The following FGD4 variants were observed in gnomAD, a reference collection of about 807,000 sequenced individuals.
FGD4 encodes FYVE, RhoGEF and PH domain containing 4.
In FGD4, 42 loss-of-function variants were observed where a neutral mutation model predicts 102.0. The observed-to-expected ratio is 0.41, with a 90% confidence interval of 0.32 to 0.53. The LOEUF is 0.53. Ranked by LOEUF, FGD4 falls within the 20% of genes least tolerant of loss-of-function variation. The pLI is 0.21. For missense variants in FGD4, 902 were observed against 1,078.2 expected (o/e 0.84, Z 2.29); for synonymous variants, 380 against 375.7 (o/e 1.01, Z -0.13).
chr12:32,468,912 C>T (rs540315758), intron 1 of FGD4, among the ~76,000 whole-genome samples: 21 of 151,730 alleles, frequency 1.4e-4, no homozygotes, highest in African/African-American at 4.6e-4. Flanking sequence ...CTGCAACCTC[C>T]GCCTCCGAGT....
chr12:32,489,829 G>C (rs1944030635), intron 1 of FGD4, among the ~76,000 whole-genome samples: 1 of 151,954 alleles, frequency 6.6e-6, no homozygotes, highest in Non-Finnish European at 1.5e-5. Context: ...TCAAGACTTT[G>C]GCCTATTAAA....
At chr12:32,588,489 G>A (rs11052092) in intron 4 of FGD4, among the ~76,000 whole-genome samples, 13,837 of 152,248 alleles carry the variant, frequency 0.091, 802 homozygotes, top group Middle Eastern at 0.19. Flanking sequence ...AATCTAGGAC[G>A]GACTGAGGGA....
chr12:32,432,390 T>C (rs968839503), intron 1 of FGD4, among the ~76,000 whole-genome samples: 1 of 151,186 alleles, frequency 6.6e-6, no homozygotes, highest in East Asian at 2.0e-4. Flanking sequence ...CCGAGGCGGG[T>C]GGATCACTTG....
chr12:32,550,670 C>CAAAAAAAA (rs71447606), intron 1 of FGD4, among the ~76,000 whole-genome samples: 8 of 89,186 alleles, frequency 9.0e-5, no homozygotes, highest in African/African-American at 1.3e-4. Context: ...GACACTGTCT[C>CAAAAAAAA]AAAAAAAAAA....
At chr12:32,562,365 T>G (rs985220411) in intron 1 of FGD4, among the ~76,000 whole-genome samples, 1 of 152,240 alleles carries the variant, frequency 6.6e-6, no homozygotes, top group African/African-American at 2.4e-5. Flanking sequence ...ATGCTTAGTC[T>G]TGTAACTATG....
chr12:32,619,505 G>A (rs1949667920), intron 10 of FGD4, among the ~76,000 whole-genome samples, 193 bp from the exon 11 acceptor site: 1 of 151,882 alleles, frequency 6.6e-6, no homozygotes, highest in Non-Finnish European at 1.5e-5. Context: ...GGTGGCGGGT[G>A]CCTGTAGTCC....
rs946309207 is a variant in FGD4 at position 32,643,078 on chromosome 12, C to G, written c.*2545C>G. 2.0e-5 allele frequency: 3 copies of G among 152,520 alleles called. No individual in the cohort carries two copies. Among genetic ancestry groups the G allele is most frequent in the Non-Finnish European group, 4.4e-5 (3 of 67,944 alleles). The allele number at this position is 152,520 out of a possible 1,614,324, so 9.4% of individuals were successfully genotyped here. A position where few individuals can be genotyped will look rare whatever the true frequency, so the allele number is the denominator to read the frequency against. The stretch of plus-strand genomic sequence containing the variant: ...ATCTTTTCTTTAAAGTGCCCTTCCT[C>G]CAAACTTTAAAAAGTACTTCCTTGA... On this transcript the variant is annotated 3_prime_UTR_variant, in exon 17 of 17. Coordinates refer to ENST00000534526, the MANE Select transcript of FGD4 (RefSeq NM_001370298.3).
chr12:32,632,718 T>G (rs372116810), intron 14 of FGD4, among the ~76,000 whole-genome samples: 1 of 148,526 alleles, frequency 6.7e-6, no homozygotes, highest in Middle Eastern at 3.2e-3. Context: ...TATTTATTTT[T>G]TTTTTTTGAG....
At chr12:32,511,478 T>A (rs1302198480) in intron 1 of FGD4, among the ~76,000 whole-genome samples, 5 of 152,050 alleles carry the variant, frequency 3.3e-5, no homozygotes, top group Non-Finnish European at 5.9e-5. Flanking sequence ...TTTTTATATT[T>A]TTTTTAGTAG....
intron 1 of FGD4, among the ~76,000 whole-genome samples, chr12:32,546,156 A>G (rs572117213): frequency 8.3e-4 from 126 of 152,360 alleles, no homozygotes; most frequent in African/African-American, 2.9e-3. Context: ...AACAAATGCT[A>G]ATGGGTTCCC....
intron 10 of FGD4, 152 bp downstream of exon 10, chr12:32,611,435 C>A: frequency 1.2e-6 from 1 of 856,726 alleles, no homozygotes; most frequent in South Asian, 1.6e-5. Context: ...ACTAAAAATA[C>A]AAAAAGTAGC....
At chr12:32,430,265 A>G (rs2651372) in intron 1 of FGD4, among the ~76,000 whole-genome samples, 80,612 of 151,804 alleles carry the variant, frequency 0.53, 22,397 homozygotes, top group African/African-American at 0.7. Flanking sequence ...CTGAGATTGC[A>G]CCACTGTGCT....
At chr12:32,587,991 G>A (rs932948715) in intron 4 of FGD4, among the ~76,000 whole-genome samples, 1 of 152,204 alleles carries the variant, frequency 6.6e-6, no homozygotes, top group Non-Finnish European at 1.5e-5. Context: ...AATGGGCCAA[G>A]AGTTGAGCCA....
intron 15 of FGD4, among the ~76,000 whole-genome samples, chr12:32,634,178 A>G (rs564149994): frequency 8.5e-5 from 13 of 152,300 alleles, no homozygotes; most frequent in African/African-American, 3.1e-4. Context: ...TGCATTTAAG[A>G]ATGAAATACA....
intron 1 of FGD4, among the ~76,000 whole-genome samples, chr12:32,456,709 G>A (rs1246311802): frequency 6.6e-6 from 1 of 152,154 alleles, no homozygotes; most frequent in African/African-American, 2.4e-5. Context: ...GACCAAAGTA[G>A]TCAAAAGCTA....
At chr12:32,530,300 T>G (rs1941668968) in intron 1 of FGD4, among the ~76,000 whole-genome samples, 1 of 152,160 alleles carries the variant, frequency 6.6e-6, no homozygotes, top group Non-Finnish European at 1.5e-5. Flanking sequence ...CTGGCCAACA[T>G]GGTGAAACCC....
intron 1 of FGD4, among the ~76,000 whole-genome samples, chr12:32,484,696 A>G (rs10844217): frequency 0.32 from 48,707 of 151,732 alleles, 7,959 homozygotes; most frequent in East Asian, 0.45. Flanking sequence ...ACATGGTGAA[A>G]CCCCACCTCT....
At chr12:32,422,531 G>A (rs971499374) in intron 1 of FGD4, among the ~76,000 whole-genome samples, 7 of 150,786 alleles carry the variant, frequency 4.6e-5, no homozygotes, top group African/African-American at 1.5e-4. Context: ...ATCTCCTGAC[G>A]TTGTGATCCA....
intron 2 of FGD4, among the ~76,000 whole-genome samples, chr12:32,575,438 T>C (rs1946048960): frequency 6.6e-6 from 1 of 152,130 alleles, no homozygotes; most frequent in South Asian, 2.1e-4. Flanking sequence ...ATAACCAGTC[T>C]TGGAGGAACT....
Sources: allele counts gnomAD v4.1 joint callset (sites outside exome capture counted in the v4.1 genomes callset), GRCh38; gene constraint gnomAD v4.1.1; transcripts MANE v1.5; gene names NCBI Gene and HGNC (gene_info 2026-07-23, HGNC 2026-07-21).